Variants in GRM7 observed in about 807,000 individuals in gnomAD.
GRM7 encodes the protein glutamate metabotropic receptor 7, also known as metabotropic glutamate receptor 7.
GRM7 carries 35 observed loss-of-function variants against 84.5 expected under a neutral mutation model. That is an observed-to-expected ratio of 0.41 (90% CI 0.32 to 0.55). GRM7 has a LOEUF of 0.55. Among genes scored for constraint, GRM7 ranks in the 20% least tolerant of loss-of-function variants. GRM7 has a pLI of 0.19. For synonymous variants in GRM7, 487 were observed against 455.1 expected, an observed-to-expected ratio of 1.07 and a Z score of -0.89; for missense variants, 1,003 against 1,194.6, an observed-to-expected ratio of 0.84 and a Z score of 2.36.
At chr3:7,272,360 C>T (rs1228012201) in intron 2 of GRM7, among the ~76,000 whole-genome samples, 1 of 152,074 alleles carries the variant, frequency 6.6e-6, no homozygotes, top group African/African-American at 2.4e-5. Context: ...GTTTAACCTC[C>T]CTATGAGTCA....
intron 4 of GRM7, among the ~76,000 whole-genome samples, chr3:7,412,984 T>C (rs1207613218): frequency 6.7e-6 from 1 of 149,818 alleles, no homozygotes; most frequent in African/African-American, 2.5e-5. Context: ...CAATTCACTA[T>C]GACACACACA....
At chr3:7,100,243 T>C (rs1279164226) in intron 1 of GRM7, among the ~76,000 whole-genome samples, 1 of 151,630 alleles carries the variant, frequency 6.6e-6, no homozygotes, top group Non-Finnish European at 1.5e-5. Flanking sequence ...ACTGTTGAAA[T>C]GTAGGCTTTA....
intron 8 of GRM7, among the ~76,000 whole-genome samples, chr3:7,597,593 T>A (rs1696110470): frequency 6.6e-6 from 1 of 152,154 alleles, no homozygotes. Flanking sequence ...GGGGTCATTG[T>A]GCACGTGAAG....
At chr3:7,684,404 A>G (rs1575629474) in intron 9 of GRM7, among the ~76,000 whole-genome samples, 2 of 152,346 alleles carry the variant, frequency 1.3e-5, no homozygotes, top group East Asian at 3.9e-4. Flanking sequence ...TAAATAGTGG[A>G]ACAGAAATGT....
intron 9 of GRM7, among the ~76,000 whole-genome samples, chr3:7,715,161 A>G (rs1271446809): frequency 6.6e-6 from 1 of 152,162 alleles, no homozygotes; most frequent in Non-Finnish European, 1.5e-5. Flanking sequence ...TATCTATGAC[A>G]AAAGGAAAGC....
intron 2 of GRM7, among the ~76,000 whole-genome samples, chr3:7,256,651 A>C (rs1698214532): frequency 6.6e-6 from 1 of 150,916 alleles, no homozygotes; most frequent in African/African-American, 2.5e-5. Flanking sequence ...ACACATACAC[A>C]CACACACAAA....
chr3:7,432,634 T>TAA lies in GRM7; in HGVS notation c.1174+17484_1174+17485dup, dbSNP rs71625343. On this transcript the variant is annotated intron_variant, in intron 5 of 9. Coordinates refer to ENST00000357716, the MANE Select transcript of GRM7 (RefSeq NM_000844.4). ...ACCATGCCCAGCCGGGCATCTAGTT[T>TAA]AAAAAAAAAAAAAATAGAAATAATA... is the stretch of plus-strand genomic sequence containing the variant. 2.7e-3 allele frequency among the ~76,000 whole-genome samples: 390 copies of TAA among 145,760 alleles called. 3 individuals are homozygous for TAA. Among genetic ancestry groups the TAA allele is most frequent in the African/African-American group, 8.8e-3 (348 of 39,430 alleles).
chr3:6,919,497 C>A (rs566925726), intron 1 of GRM7, among the ~76,000 whole-genome samples: 1 of 151,434 alleles, frequency 6.6e-6, no homozygotes, highest in Non-Finnish European at 1.5e-5. Flanking sequence ...AGTGAGCCAC[C>A]GCACCTGGCC....
intron 7 of GRM7, among the ~76,000 whole-genome samples, chr3:7,531,906 C>A (rs945479041): frequency 4.6e-5 from 7 of 152,088 alleles, no homozygotes; most frequent in African/African-American, 1.4e-4. Flanking sequence ...ACGCTTCCAC[C>A]TTTTACCTAT....
At chr3:7,053,079 T>G (rs1697069849) in intron 1 of GRM7, among the ~76,000 whole-genome samples, 1 of 150,092 alleles carries the variant, frequency 6.7e-6, no homozygotes, top group South Asian at 2.1e-4. Flanking sequence ...TTCTTGGGTT[T>G]TTTTTTTTTA....
intron 1 of GRM7, among the ~76,000 whole-genome samples, chr3:6,956,964 A>T (rs1312201680): frequency 6.6e-6 from 1 of 152,242 alleles, no homozygotes; most frequent in African/African-American, 2.4e-5. Context: ...TGAGAAGAAC[A>T]TCGAGTTTAC....
chr3:7,124,441 G>T (rs1693330655), intron 1 of GRM7, among the ~76,000 whole-genome samples: 1 of 152,304 alleles, frequency 6.6e-6, no homozygotes, highest in East Asian at 1.9e-4. Flanking sequence ...GGGAGGCGGA[G>T]GTTGCAGTGA....
At chr3:7,005,016 C>T (rs186321343) in intron 1 of GRM7, among the ~76,000 whole-genome samples, 6 of 152,308 alleles carry the variant, frequency 3.9e-5, no homozygotes, top group African/African-American at 1.2e-4. Context: ...CACTTTAGCT[C>T]TACATCACAC....
chr3:7,401,518 A>T (rs759170935), intron 4 of GRM7, among the ~76,000 whole-genome samples: 4 of 152,174 alleles, frequency 2.6e-5, no homozygotes, highest in Non-Finnish European at 5.9e-5. Context: ...AGATAAAAGC[A>T]ATGATTTCTG....
In GRM7 at chr3:7,241,332, T is replaced by A. The variant is rs1279165525; in HGVS notation, c.737-57352T>A. Among the ~76,000 whole-genome samples, 5 of 152,170 alleles carry A rather than the reference T, an allele frequency of 3.3e-5. No individual in the cohort carries two copies. The East Asian group carries it at 9.6e-4, about 29-fold the overall frequency. On this transcript the variant is annotated intron_variant, in intron 2 of 9. Coordinates refer to ENST00000357716, the MANE Select transcript of GRM7 (RefSeq NM_000844.4). The stretch of plus-strand genomic sequence containing the variant: ...GTAGTGGTCACTGTCTGCGTTGTCA[T>A]CATCATCCTCGTTAATGCTATGTAC...
At chr3:6,985,663 C>T (rs2124842685) in intron 1 of GRM7, among the ~76,000 whole-genome samples, 1 of 152,244 alleles carries the variant, frequency 6.6e-6, no homozygotes, top group Admixed American at 6.5e-5. Context: ...TCCATATTTT[C>T]CAACTAAGCT....
At chr3:7,686,577 T>C (rs1048292056) in intron 9 of GRM7, 1 of 593,632 alleles carries the variant, frequency 1.7e-6, no homozygotes, top group African/African-American at 1.9e-5. Context: ...TTTTCAAAGA[T>C]GATCGATTTG....
chr3:7,191,673 T>C (rs1695715942), intron 2 of GRM7, among the ~76,000 whole-genome samples: 1 of 150,758 alleles, frequency 6.6e-6, no homozygotes, highest in Non-Finnish European at 1.5e-5. Flanking sequence ...AATCCATTTC[T>C]ATGACATTCT....
chr3:7,166,988 G>C (rs1694819845), intron 2 of GRM7, among the ~76,000 whole-genome samples: 1 of 152,130 alleles, frequency 6.6e-6, no homozygotes, highest in Admixed American at 6.5e-5. Flanking sequence ...TTGCCCAGCT[G>C]AATGAAATGG....
Sources: gnomAD v4.1 joint callset for allele counts (sites outside exome capture counted in the v4.1 genomes callset) on GRCh38, gnomAD v4.1.1 for gene constraint, MANE v1.5 for transcripts, NCBI Gene and HGNC (gene_info 2026-07-23, HGNC 2026-07-21) for gene names.